TNMD: variants seen among roughly 807,000 people sequenced by gnomAD.
TNMD encodes the protein tenomodulin.
In TNMD, 15 loss-of-function variants were observed where a neutral mutation model predicts 26.9. The ratio of observed to expected loss-of-function variants is 0.56; its 90% CI spans 0.37 to 0.86. TNMD has a LOEUF of 0.86. Among genes scored for constraint, TNMD ranks in the 40% least tolerant of loss-of-function variants. TNMD has a pLI of 0.00. For missense variants in TNMD, 222 were observed against 242.6 expected, an observed-to-expected ratio of 0.92 and a Z score of 0.56; for synonymous variants, 73 against 77.0, an observed-to-expected ratio of 0.95 and a Z score of 0.27.
At chrX:100,597,157 A>G (rs1376620532) in intron 4 of TNMD, among the ~76,000 whole-genome samples, 2 of 112,445 alleles carry the variant, frequency 1.8e-5, no homozygotes, top group Admixed American at 1.9e-4. Context: ...ATAAAAAAGA[A>G]AACAAATGTA....
Position 100,586,148 on chromosome X carries a change from A to G in TNMD, c.180+786A>G, listed in dbSNP as rs1434175828. On this transcript the variant is annotated intron_variant, in intron 2 of 6. Coordinates refer to ENST00000373031, the MANE Select transcript of TNMD (RefSeq NM_022144.3). ...AAATAAAACCATAGTCCCAAATAAA[A>G]CCATAGTCCCTTCATGCTCACAATT... Among the ~76,000 whole-genome samples, 5 of 112,602 alleles carry G rather than the reference A, an allele frequency of 4.4e-5. No homozygotes were observed. In the Admixed American group the frequency reaches 4.7e-4, roughly 11 times the overall value.
chrX:100,593,317 G>A (rs1400543058), intron 2 of TNMD: 1 of 749,823 alleles, frequency 1.3e-6, no homozygotes, highest in Admixed American at 8.9e-5. Flanking sequence ...ACTGGGTGGG[G>A]TTGGTTGCCG....
intron 2 of TNMD, among the ~76,000 whole-genome samples, chrX:100,585,706 A>C (rs2082920338): frequency 8.9e-6 from 1 of 112,358 alleles, no homozygotes; most frequent in South Asian, 3.7e-4. Context: ...TCTGGGCAGA[A>C]ACTGATGGAA....
At position 100,599,576 on chromosome X, in the gene TNMD, A is replaced by G; in HGVS notation, c.813A>G (p.Arg271=). The stretch of plus-strand genomic sequence containing the variant: ...GTTATTGTTGTATTTACTGCCGTCG[A>G]GGCAACCGCTATTGCCGCCGCGTCT... ...ERGYCCIYCR[R]GNRYCRRVCE... is the part of the protein sequence containing the mutation. Residue 271 remains arginine, a synonymous_variant, in exon 7 of 7, where the codon CGA becomes CGG. Transcript: ENST00000373031. 1.7e-6 allele frequency: 2 copies of G among 1,210,985 alleles called. No individual in the cohort carries two copies. Among genetic ancestry groups the G allele is most frequent in the Non-Finnish European group, 2.2e-6 (2 of 895,138 alleles).
At position 100,594,455 on chromosome X, in the gene TNMD, T is replaced by C. The variant is rs148918333; in HGVS notation, c.423+93T>C. On this transcript the variant is annotated intron_variant, in intron 4 of 6. Coordinates refer to ENST00000373031, the MANE Select transcript of TNMD (RefSeq NM_022144.3). ...TTGTACTAAATGCTTTACTTTTCTTTGATTCTCCAACAACCTTATAAATAG... is the reference window on the plus strand; with the variant it reads ...TTGTACTAAATGCTTTACTTTTCTTCGATTCTCCAACAACCTTATAAATAG... 1,599 of 511,875 alleles carry C rather than the reference T, an allele frequency of 3.1e-3. 25 individuals are homozygous for C. The African/African-American group carries it at 0.033, about 11-fold the overall frequency. The allele number at this position is 511,875 out of a possible 1,213,427, so 42.2% of individuals were successfully genotyped here. A position where few individuals can be genotyped will look rare whatever the true frequency, so the allele number is the denominator to read the frequency against.
intron 3 of TNMD, 23 bp downstream of exon 3, chrX:100,594,058 A>G (rs370445533): frequency 9.4e-5 from 112 of 1,188,696 alleles, no homozygotes; most frequent in Non-Finnish European, 1.2e-4. Context: ...TTTTCCTCCT[A>G]AGGCTTTCCA....
intron 2 of TNMD, among the ~76,000 whole-genome samples, chrX:100,588,074 A>G (rs1353705339): frequency 9.0e-6 from 1 of 111,224 alleles, no homozygotes; most frequent in Non-Finnish European, 1.9e-5. Flanking sequence ...CCTCCTTTTT[A>G]TTTTGTCTTT....
chrX:100,585,256 T>C lies in TNMD; in HGVS notation c.74T>C (p.Ile25Thr). 2.5e-6 allele frequency: 3 copies of C among 1,210,052 alleles called. No homozygotes were observed. The highest frequency in any genetic ancestry group is 3.4e-6 in the Non-Finnish European group (3 of 894,258). ...LNAEAFKSKKICKSLKICGLV... is the reference protein window; with the variant it reads ...LNAEAFKSKKTCKSLKICGLV... ...GCAGAAGCTTTTAAATCCAAGAAAATATGTAAATCACTTAAGATTTGTGGA... is the reference window on the plus strand; with the variant it reads ...GCAGAAGCTTTTAAATCCAAGAAAACATGTAAATCACTTAAGATTTGTGGA... The change falls in exon 2 of 7, where the codon ATA becomes ACA. Residue 25 changes from isoleucine to threonine, a missense_variant. By Grantham distance (89) the Ile-to-Thr change is moderately conservative. Transcript: ENST00000373031.
chrX:100,584,939 C>T lies in TNMD; in HGVS notation c.-80C>T, dbSNP rs1028595938. On this transcript the variant is annotated 5_prime_UTR_variant, in exon 1 of 7. Transcript: ENST00000373031. The stretch of plus-strand genomic sequence containing the variant: ...AGCTTCTCCTCTGGCATCTGTTAGC[C>T]GACTCACTTGCAACTCCACCTCAGC... 68 of 973,677 alleles carry T rather than the reference C, an allele frequency of 7.0e-5. No homozygotes were observed. Among genetic ancestry groups the T allele is most frequent in the South Asian group, 2.6e-4 (11 of 42,741 alleles). 80.2% of individuals were successfully genotyped at this position (973,677 alleles called of 1,213,427 possible). A position where few individuals can be genotyped will look rare whatever the true frequency, so the allele number is the denominator to read the frequency against.
chrX:100,596,997 G>A (rs749302455), intron 4 of TNMD, among the ~76,000 whole-genome samples: 2 of 111,831 alleles, frequency 1.8e-5, no homozygotes, highest in Non-Finnish European at 3.8e-5. Context: ...CCATCAACAG[G>A]CAAATCTTGT....
intron 2 of TNMD, chrX:100,593,471 G>A (rs1054467026): frequency 1.4e-5 from 8 of 562,009 alleles, no homozygotes; most frequent in African/African-American, 2.6e-5. Context: ...GGCTGTTGTG[G>A]CAATATTAAA....
At chrX:100,592,671 T>C (rs1458607030) in intron 2 of TNMD, among the ~76,000 whole-genome samples, 1 of 112,039 alleles carries the variant, frequency 8.9e-6, no homozygotes, top group Non-Finnish European at 1.9e-5. Flanking sequence ...GGTTCCAATT[T>C]GTTTTTCTCT....
At chrX:100,585,591 G>A (rs754103814) in intron 2 of TNMD, among the ~76,000 whole-genome samples, 3 of 111,480 alleles carry the variant, frequency 2.7e-5, no homozygotes, top group Non-Finnish European at 5.6e-5. Context: ...ATAGGGTGTA[G>A]AATTACCCAT....
rs1182356383 is a variant in TNMD at position 100,596,039 on chromosome X, G to C, written c.424-1465G>C. On this transcript the variant is annotated intron_variant, in intron 4 of 6. Transcript: ENST00000373031. ...TATTTTTTTGAAAGATTAAGGCAAA[G>C]GAGGCGGGGCACGGTGGCTCACGCC... is the stretch of plus-strand genomic sequence containing the variant. Among the ~76,000 whole-genome samples, 3 of 112,638 alleles carry C rather than the reference G, an allele frequency of 2.7e-5. No individual in the cohort carries two copies. In the East Asian group the frequency reaches 8.3e-4, roughly 31 times the overall value.
chrX:100,598,925 A>T, intron 5 of TNMD, 91 bp from the exon 6 acceptor site: 1 of 763,468 alleles, frequency 1.3e-6, no homozygotes, highest in African/African-American at 2.1e-5. Flanking sequence ...ACACAATGAA[A>T]ATCTCTATCC....
At chrX:100,594,639 T>A (rs954008794) in intron 4 of TNMD, among the ~76,000 whole-genome samples, 2 of 111,440 alleles carry the variant, frequency 1.8e-5, no homozygotes, top group Non-Finnish European at 3.8e-5. Flanking sequence ...TGCTATACTC[T>A]TATACCCGGG....
At chrX:100,588,230 C>A (rs998668726) in intron 2 of TNMD, among the ~76,000 whole-genome samples, 6 of 111,608 alleles carry the variant, frequency 5.4e-5, no homozygotes, top group African/African-American at 2.0e-4. Flanking sequence ...ACAAGCCATG[C>A]TTGACCTCCT....
At chrX:100,585,680 A>G (rs1227241653) in intron 2 of TNMD, among the ~76,000 whole-genome samples, 1 of 112,265 alleles carries the variant, frequency 8.9e-6, no homozygotes, top group African/African-American at 3.2e-5. Flanking sequence ...AATACTTTTA[A>G]TCTTTCTTTC....
At chrX:100,597,796 G>C (rs1392593376) in intron 5 of TNMD, 139 bp downstream of exon 5, 1 of 615,379 alleles carries the variant, frequency 1.6e-6, no homozygotes, top group Non-Finnish European at 2.5e-6. Flanking sequence ...TATGCTGACT[G>C]CCAGTGAGGA....
Sources: gnomAD v4.1 joint callset for allele counts (sites outside exome capture counted in the v4.1 genomes callset) on GRCh38, gnomAD v4.1.1 for gene constraint, MANE v1.5 for transcripts, NCBI Gene and HGNC (gene_info 2026-07-23, HGNC 2026-07-21) for gene names.